The following AAK1 variants were observed in gnomAD, a reference collection of about 807,000 sequenced individuals.
AAK1 encodes the protein AP2 associated kinase 1, also known as AP2-associated protein kinase 1.
In AAK1, 37 loss-of-function variants were observed where a neutral mutation model predicts 116.0. The observed-to-expected ratio is 0.32, with a 90% CI of 0.25 to 0.42. The LOEUF (loss-of-function observed/expected upper bound fraction) is 0.42. AAK1 is among the 10% of genes least tolerant of loss of function. AAK1 has a pLI of 1.00. For synonymous variants in AAK1, 458 were observed against 439.9 expected (o/e 1.04, Z -0.51); for missense variants, 919 against 1,170.6 (o/e 0.79, Z 3.14).
In AAK1 at chr2:69,475,264, T is replaced by C. The variant is rs373003549; in HGVS notation, c.*605A>G. On this transcript the variant is annotated 3_prime_UTR_variant, in exon 22 of 22. Transcript: ENST00000409085. Reference sequence around the variant, plus strand: ...AGTCTATGATCAAACAAGGTCAAAGTTGGTTGGCTAGAGCTGGGCTCAATT... The same window carrying C: ...AGTCTATGATCAAACAAGGTCAAAGCTGGTTGGCTAGAGCTGGGCTCAATT... The C allele has an allele frequency of 2.5e-5, 25 of 985,786 alleles. No homozygotes were observed. In the South Asian group the frequency reaches 3.8e-4, roughly 15 times the overall value. The allele number at this position is 985,786 out of a possible 1,614,324, so 61.1% of individuals were successfully genotyped here.
rs368395836 is a variant in AAK1, at chr2:69,475,979, T to C, written c.2792-16A>G. ...GAGTGCCCACCTGGAAGTGGAGAGA[T>C]AGGAATTCAGTACAAAACATAGAGG... On this transcript the variant is annotated splice_polypyrimidine_tract_variant and intron_variant, in intron 21 of 21. Coordinates refer to ENST00000409085, the MANE Select transcript of AAK1 (RefSeq NM_014911.5). 885 of 1,605,640 alleles carry C rather than the reference T, an allele frequency of 5.5e-4. 1 individual carries two copies. The highest frequency in any genetic ancestry group is 7.1e-4 in the Non-Finnish European group (839 of 1,176,016).
chr2:69,467,570 T>C lies in AAK1; in HGVS notation c.*8299A>G, dbSNP rs575836810. On this transcript the variant is annotated 3_prime_UTR_variant, in exon 22 of 22. Transcript: ENST00000409085. The stretch of plus-strand genomic sequence containing the variant: ...CATCATGGGCTCAGTAAAGAGATAC[T>C]ACTGGAGTTTCCCAACCCACCAGGA... 1.0e-6 allele frequency: 1 copy of C among 985,412 alleles called. No individual in the cohort carries two copies. Among genetic ancestry groups the C allele is most frequent in the East Asian group, 1.1e-4 (1 of 8,826 alleles). The allele number at this position is 985,412 out of a possible 1,614,324, so 61.0% of individuals were successfully genotyped here.
At chr2:69,631,260 G>T (rs1200421939) in intron 2 of AAK1, among the ~76,000 whole-genome samples, 1 of 152,146 alleles carries the variant, frequency 6.6e-6, no homozygotes, top group Non-Finnish European at 1.5e-5. Context: ...TACCCTAAAG[G>T]TCCCAGTACA....
chr2:69,472,705 A>G lies in AAK1; in HGVS notation c.*3164T>C. 1 of 985,454 alleles carries G rather than the reference A, an allele frequency of 1.0e-6. No individual in the cohort carries two copies. Among genetic ancestry groups the G allele is most frequent in the Non-Finnish European group, 1.2e-6 (1 of 829,936 alleles). The allele number at this position is 985,454 out of a possible 1,614,324, so 61.0% of individuals were successfully genotyped here. A position where few individuals can be genotyped will look rare whatever the true frequency, so the allele number is the denominator to read the frequency against. On this transcript the variant is annotated 3_prime_UTR_variant, in exon 22 of 22. Transcript: ENST00000409085. ...TTTCTGCTATAGTTACTCCTCTTAC[A>G]TAGCTGGAATAAAAGCAAATCAGAA...
intron 15 of AAK1, among the ~76,000 whole-genome samples, chr2:69,506,991 CTA>C: frequency 6.6e-6 from 1 of 152,062 alleles, no homozygotes; most frequent in East Asian, 1.9e-4. Context: ...AGAACTCTGA[CTA>C]TAGTGAAAGA....
intron 2 of AAK1, among the ~76,000 whole-genome samples, chr2:69,588,636 C>A (rs938431467): frequency 6.6e-6 from 1 of 152,136 alleles, no homozygotes; most frequent in Non-Finnish European, 1.5e-5. Flanking sequence ...CTAATTGCAT[C>A]ATTTTGTTAC....
In AAK1 at chr2:69,471,266, C is replaced by T. The variant is rs1674667380; in HGVS notation, c.*4603G>A. The T allele has an allele frequency of 2.0e-6, 2 of 985,280 alleles. No individual in the cohort carries two copies. Among genetic ancestry groups the T allele is most frequent in the Admixed American group, 6.1e-5 (1 of 16,264 alleles). The allele number at this position is 985,280 out of a possible 1,614,324, so 61.0% of individuals were successfully genotyped here. A position where few individuals can be genotyped will look rare whatever the true frequency, so the allele number is the denominator to read the frequency against. On this transcript the variant is annotated 3_prime_UTR_variant, in exon 22 of 22. Coordinates refer to ENST00000409085, the MANE Select transcript of AAK1 (RefSeq NM_014911.5). ...AACTTCTTTGCATAGGTTAGCATTA[C>T]CCAAGGAGCCTCCCTATCCCGTATT...
chr2:69,546,748 G>A (rs187160144), intron 3 of AAK1, among the ~76,000 whole-genome samples: 2 of 152,132 alleles, frequency 1.3e-5, no homozygotes, highest in Admixed American at 6.5e-5. Context: ...GGGGCCTTTA[G>A]GAGGTGATTA....
Position 69,630,077 on chromosome 2 carries a change from G to A in AAK1, c.163+12801C>T, listed in dbSNP as rs575941711. ...ACGGTACAAAGATGGTGAGGAGGGC[G>A]CAGGCCTGGTGGAAGCAGCAGACCT... On this transcript the variant is annotated intron_variant, in intron 2 of 21. Transcript: ENST00000409085. Among the ~76,000 whole-genome samples the A allele has an allele frequency of 1.8e-4, 27 of 152,186 alleles. No homozygotes were observed. The East Asian group carries it at 4.1e-3, about 23-fold the overall frequency.
At position 69,560,687 on chromosome 2, in the gene AAK1, T is replaced by C. The variant is rs1414998049; in HGVS notation, c.164-3709A>G. 6.6e-5 allele frequency among the ~76,000 whole-genome samples: 10 copies of C among 152,366 alleles called. No homozygotes were observed. In the East Asian group the frequency reaches 1.9e-3, roughly 29 times the overall value. On this transcript the variant is annotated intron_variant, in intron 2 of 21. Transcript: ENST00000409085. ...GAAGAAAACACGTTTTCTCCCATTT[T>C]CCCTAAAATATATAGCATTTTTGGT...
intron 2 of AAK1, among the ~76,000 whole-genome samples, chr2:69,597,158 G>A (rs978856477): frequency 6.6e-6 from 1 of 152,004 alleles, no homozygotes; most frequent in African/African-American, 2.4e-5. Context: ...TGTTTTATAA[G>A]GCATTTATGG....
chr2:69,495,903 G>C, intron 17 of AAK1, 82 bp downstream of exon 17: 2 of 1,101,618 alleles, frequency 1.8e-6, no homozygotes, highest in East Asian at 2.6e-5. Flanking sequence ...CCTTTTCACG[G>C]GGTATTTAAG....
intron 16 of AAK1, among the ~76,000 whole-genome samples, chr2:69,502,307 G>A (rs770865295): frequency 1.1e-4 from 16 of 152,052 alleles, no homozygotes; most frequent in Non-Finnish European, 2.1e-4. Flanking sequence ...CAATCTCAAA[G>A]AAATAAAAAT....
At chr2:69,624,163 C>T (rs1674793795) in intron 2 of AAK1, among the ~76,000 whole-genome samples, 1 of 152,066 alleles carries the variant, frequency 6.6e-6, no homozygotes, top group Non-Finnish European at 1.5e-5. Flanking sequence ...TTATGGAGGC[C>T]AGCTTGTAAT....
At chr2:69,518,807 T>C in intron 12 of AAK1, 147 bp downstream of exon 12, 1 of 1,235,298 alleles carries the variant, frequency 8.1e-7, no homozygotes, top group Non-Finnish European at 1.1e-6. Flanking sequence ...GAGTGATGGA[T>C]CCGCTTCTCA....
At chr2:69,492,210 G>C (rs1214097569) in intron 17 of AAK1, among the ~76,000 whole-genome samples, 2 of 151,878 alleles carry the variant, frequency 1.3e-5, no homozygotes, top group Non-Finnish European at 2.9e-5. Context: ...GAGACTGAGA[G>C]TCCATGAGTC....
chr2:69,621,994 C>A (rs924574608), intron 2 of AAK1, among the ~76,000 whole-genome samples: 5 of 152,250 alleles, frequency 3.3e-5, no homozygotes, highest in African/African-American at 1.2e-4. Context: ...GCTTGAGGAG[C>A]CCTTCAGCCC....
At chr2:69,553,696 C>A (rs1671276725) in intron 3 of AAK1, among the ~76,000 whole-genome samples, 1 of 151,744 alleles carries the variant, frequency 6.6e-6, no homozygotes. Flanking sequence ...CCCACCTTGG[C>A]CGCCCAAAGT....
intron 6 of AAK1, 39 bp from the exon 7 acceptor site, chr2:69,530,745 T>C (rs1210424923): frequency 6.8e-7 from 1 of 1,473,366 alleles, no homozygotes. Flanking sequence ...AATATGTCAA[T>C]ACTATAATTA....
Sources: allele counts gnomAD v4.1 joint callset (sites outside exome capture counted in the v4.1 genomes callset), GRCh38; gene constraint gnomAD v4.1.1; transcripts MANE v1.5; gene names NCBI Gene and HGNC (gene_info 2026-07-23, HGNC 2026-07-21).